The following SLC25A21 variants were observed in gnomAD, a reference collection of about 807,000 sequenced individuals.
SLC25A21 encodes mitochondrial 2-oxodicarboxylate carrier.
Under a neutral mutation model 43.8 loss-of-function variants are expected in SLC25A21, and 47 were observed. That is an observed-to-expected ratio of 1.07 (90% CI 0.85 to 1.37). The LOEUF (loss-of-function observed/expected upper bound fraction) is 1.37, where lower values mean the gene tolerates loss of function less well. Ranked by LOEUF, SLC25A21 falls within the 40% of genes most tolerant of loss-of-function variation. The probability of loss-of-function intolerance (pLI) is 0.00; values close to 1 mark genes in which losing one functional copy is unlikely to be tolerated. For synonymous variants in SLC25A21, 131 were observed against 121.3 expected, an observed-to-expected ratio of 1.08 and a Z score of -0.52; for missense variants, 352 against 350.2, an observed-to-expected ratio of 1.00 and a Z score of -0.04.
intron 3 of SLC25A21, 88 bp from the exon 4 acceptor site, chr14:36,734,661 C>A: frequency 2.0e-6 from 2 of 990,248 alleles, no homozygotes; most frequent in South Asian, 1.5e-5. Flanking sequence ...AAAGTATTCC[C>A]GATTATTCAA....
At chr14:37,153,257 G>A (rs1340764735) in intron 1 of SLC25A21, among the ~76,000 whole-genome samples, 1 of 152,212 alleles carries the variant, frequency 6.6e-6, no homozygotes, top group African/African-American at 2.4e-5. Context: ...CATTTTCAAA[G>A]CTAGCCTCTC....
chr14:37,084,710 A>G (rs533909379), intron 1 of SLC25A21, among the ~76,000 whole-genome samples: 35 of 152,308 alleles, frequency 2.3e-4, no homozygotes, highest in African/African-American at 8.2e-4. Context: ...TCGATTCAGA[A>G]TAGTTACAAG....
intron 1 of SLC25A21, among the ~76,000 whole-genome samples, chr14:36,910,423 A>G (rs527711360): frequency 6.6e-6 from 1 of 152,292 alleles, no homozygotes; most frequent in East Asian, 1.9e-4. Context: ...GGACCTCACC[A>G]TATTTCTAAA....
In SLC25A21 at chr14:36,784,525, C is replaced by G. The variant is rs77864327; in HGVS notation, c.203+29393G>C. ...TGAGATTTAAGGCTAACAATAATCT[C>G]TCTCAGGGTTTGAGAGAGCTGGGCT... On this transcript the variant is annotated intron_variant, in intron 3 of 9. Coordinates refer to ENST00000331299, the MANE Select transcript of SLC25A21 (RefSeq NM_030631.4). Among the ~76,000 whole-genome samples, 1,203 of 152,316 alleles carry G rather than the reference C, an allele frequency of 7.9e-3. 19 individuals carry two copies. Among genetic ancestry groups the G allele is most frequent in the African/African-American group, 0.027 (1,120 of 41,572 alleles).
At chr14:36,686,276 C>T (rs1882539310) in intron 7 of SLC25A21, among the ~76,000 whole-genome samples, 1 of 152,192 alleles carries the variant, frequency 6.6e-6, no homozygotes, top group Non-Finnish European at 1.5e-5. Context: ...TGAAAACCAA[C>T]AGGGTGTTTC....
chr14:37,121,665 G>A (rs1464691708), intron 1 of SLC25A21, among the ~76,000 whole-genome samples: 2 of 152,022 alleles, frequency 1.3e-5, no homozygotes, highest in East Asian at 3.9e-4. Flanking sequence ...GTGGGTGCCT[G>A]TAATCCCAGC....
At chr14:36,708,272 T>C (rs1055160196) in intron 7 of SLC25A21, among the ~76,000 whole-genome samples, 4 of 152,218 alleles carry the variant, frequency 2.6e-5, no homozygotes, top group African/African-American at 7.2e-5. Context: ...AAAATGTATC[T>C]TTTATTTAAA....
intron 1 of SLC25A21, among the ~76,000 whole-genome samples, chr14:36,980,928 T>C (rs1566789000): frequency 6.6e-6 from 1 of 152,144 alleles, no homozygotes; most frequent in Non-Finnish European, 1.5e-5. Flanking sequence ...AGAAAATTTT[T>C]ACAATCTACC....
At chr14:36,857,198 T>C (rs1025311752) in intron 2 of SLC25A21, among the ~76,000 whole-genome samples, 2 of 152,220 alleles carry the variant, frequency 1.3e-5, no homozygotes, top group Non-Finnish European at 2.9e-5. Context: ...CAGCATTTCT[T>C]AGCCTCAGCT....
intron 1 of SLC25A21, among the ~76,000 whole-genome samples, chr14:37,100,055 TTTG>T (rs869108084): frequency 1.7e-4 from 26 of 151,462 alleles, no homozygotes; most frequent in Admixed American, 1.6e-3. Context: ...TGTTTGTTTG[TTTG>T]TTTTCTTTTG....
intron 1 of SLC25A21, among the ~76,000 whole-genome samples, chr14:37,137,422 T>C (rs1313919795): frequency 6.6e-6 from 1 of 152,242 alleles, no homozygotes; most frequent in Non-Finnish European, 1.5e-5. Flanking sequence ...TTGCCCATTA[T>C]GCAAAAACAC....
At chr14:36,902,100 T>C (rs1033645252) in intron 1 of SLC25A21, among the ~76,000 whole-genome samples, 3 of 152,248 alleles carry the variant, frequency 2.0e-5, no homozygotes, top group African/African-American at 4.8e-5. Flanking sequence ...GTTTGGCATC[T>C]ACCCATTTAA....
chr14:37,033,909 T>G (rs983805900), intron 1 of SLC25A21, among the ~76,000 whole-genome samples: 1 of 152,200 alleles, frequency 6.6e-6, no homozygotes, highest in Non-Finnish European at 1.5e-5. Context: ...GTAATGGATT[T>G]GATAAACCAT....
At chr14:36,754,676 G>T (rs1395948091) in intron 3 of SLC25A21, among the ~76,000 whole-genome samples, 1 of 151,432 alleles carries the variant, frequency 6.6e-6, no homozygotes, top group South Asian at 2.1e-4. Flanking sequence ...GCACTTGAAA[G>T]AATTTCCAGA....
chr14:36,899,717 A>C (rs1891349497), intron 1 of SLC25A21, among the ~76,000 whole-genome samples: 1 of 152,218 alleles, frequency 6.6e-6, no homozygotes, highest in African/African-American at 2.4e-5. Flanking sequence ...CAGAATCTAA[A>C]ATGCCATTGT....
At chr14:36,888,031 C>T (rs755768761) in intron 1 of SLC25A21, among the ~76,000 whole-genome samples, 9 of 152,088 alleles carry the variant, frequency 5.9e-5, no homozygotes, top group Non-Finnish European at 8.8e-5. Context: ...CAAAATTGGC[C>T]ATGGTGGGAG....
chr14:37,118,257 T>C (rs1963142013), intron 1 of SLC25A21, among the ~76,000 whole-genome samples: 1 of 152,270 alleles, frequency 6.6e-6, no homozygotes, highest in South Asian at 2.1e-4. Context: ...TTCTGACAAC[T>C]GATGGCTCCA....
chr14:37,033,138 T>C (rs1403880989), intron 1 of SLC25A21, among the ~76,000 whole-genome samples: 2 of 151,284 alleles, frequency 1.3e-5, no homozygotes, highest in African/African-American at 4.9e-5. Context: ...CGTTTCCTAC[T>C]CCAGCCCCTG....
At chr14:36,753,957 G>GAGAGAA (rs1885821210) in intron 3 of SLC25A21, among the ~76,000 whole-genome samples, 4 of 142,906 alleles carry the variant, frequency 2.8e-5, no homozygotes, top group African/African-American at 7.8e-5. Context: ...GAGAGAGAGA[G>GAGAGAA]AGAAAGAGAG....
Sources: gnomAD v4.1 joint callset for allele counts (sites outside exome capture counted in the v4.1 genomes callset) on GRCh38, gnomAD v4.1.1 for gene constraint, MANE v1.5 for transcripts, NCBI Gene and HGNC (gene_info 2026-07-23, HGNC 2026-07-21) for gene names.